TTC19: variants seen among roughly 807,000 people sequenced by gnomAD.
The protein encoded by TTC19 is tetratricopeptide repeat protein 19, mitochondrial.
In TTC19, 38 loss-of-function variants were observed where a neutral mutation model predicts 49.5. The observed-to-expected ratio is 0.77, with a 90% CI of 0.59 to 1.01. The LOEUF is 1.01. Among genes scored for constraint, TTC19 ranks in the 50% least tolerant of loss-of-function variants. The pLI is 0.00. For synonymous variants in TTC19, 204 were observed against 185.2 expected, an observed-to-expected ratio of 1.10 and a Z score of -0.83; for missense variants, 475 against 477.7, an observed-to-expected ratio of 0.99 and a Z score of 0.05.
Position 16,004,235 on chromosome 17 carries a change from T to A in TTC19, c.554T>A (p.Leu185Gln), listed in dbSNP as rs1187416161. ...GCAATAATTGAAATTTCCCTAAAGC[T>A]GGCCAGTATCTATGCTGCGCAGAAC... ...DNAIIEISLKLASIYAAQNRQ... is the reference protein window; with the variant it reads ...DNAIIEISLKQASIYAAQNRQ... The change falls in exon 6 of 10, where the codon CTG becomes CAG. Residue 185 changes from leucine to glutamine, a missense_variant. By Grantham distance (113) the Leu-to-Gln change is moderately radical. Transcript: ENST00000261647. The A allele has an allele frequency of 1.4e-5, 23 of 1,614,252 alleles. No individual in the cohort carries two copies. Among genetic ancestry groups the A allele is most frequent in the Non-Finnish European group, 1.8e-5 (21 of 1,180,038 alleles).
At chr17:16,033,704 C>T (rs1973062531), downstream of TTC19, among the ~76,000 whole-genome samples, 1 of 152,098 alleles carries the variant, frequency 6.6e-6, no homozygotes, top group African/African-American at 2.4e-5. Context: ...TTATTACATA[C>T]ATTAAGTTTA....
At chr17:16,032,175 T>C, downstream of TTC19, 2 of 966,164 alleles carry the variant, frequency 2.1e-6, no homozygotes, top group South Asian at 2.0e-5. Context: ...GTGGGCTGGC[T>C]CTCCTGAAAA....
chr17:16,044,190 A>T (rs2058262395), intron 2 of TTC19, among the ~76,000 whole-genome samples: 1 of 146,220 alleles, frequency 6.8e-6, no homozygotes, highest in Non-Finnish European at 1.5e-5. Context: ...AAAAAAAAAG[A>T]AAGAAAGAAA....
At chr17:16,031,221 G>A (rs1971929202), downstream of TTC19, 1 of 199,672 alleles carries the variant, frequency 5.0e-6, no homozygotes, top group African/African-American at 2.3e-5. Context: ...ATAGTGATGG[G>A]GAAAAAGGAC....
chr17:16,021,435 T>C (rs1249940152), intron 7 of TTC19, among the ~76,000 whole-genome samples: 2 of 152,150 alleles, frequency 1.3e-5, no homozygotes, highest in Non-Finnish European at 2.9e-5. Flanking sequence ...TGGAGCTACA[T>C]TTCTGGTGGG....
intron 2 of TTC19, among the ~76,000 whole-genome samples, chr17:16,036,472 G>C (rs374767230): frequency 2.0e-5 from 3 of 152,206 alleles, no homozygotes; most frequent in African/African-American, 7.2e-5. Context: ...AAGAGAGTCA[G>C]CCTGTCTTTT....
chr17:16,039,900 C>G (rs1291317024), intron 2 of TTC19: 1 of 447,808 alleles, frequency 2.2e-6, no homozygotes, highest in Non-Finnish European at 4.1e-6. Context: ...AAGGGATTCT[C>G]CTACCTCAGT....
exon 3 of TTC19, chr17:16,044,789 G>A: frequency 5.4e-6 from 6 of 1,103,038 alleles, no homozygotes; most frequent in Non-Finnish European, 8.3e-6. Context: ...TGTCAACATT[G>A]GGAGCCTCAT....
At position 16,029,329 on chromosome 17, in the gene TTC19, C is replaced by T. The variant is rs933355090; in HGVS notation, c.*1807C>T. 6.9e-6 allele frequency: 3 copies of T among 437,230 alleles called. No individual in the cohort carries two copies. The highest frequency in any genetic ancestry group is 6.1e-5 in the African/African-American group (3 of 49,040). The allele number at this position is 437,230 out of a possible 1,614,324, so 27.1% of individuals were successfully genotyped here. On this transcript the variant is annotated 3_prime_UTR_variant, in exon 10 of 10. Transcript: ENST00000261647. ...ATAAGGTACTGAAGCAAAAGGAGGA[C>T]TGATCTCCTTTACTGATTGGTCTAA...
At chr17:16,001,769 T>C (rs1970742757) in intron 2 of TTC19, 146 bp from the exon 3 acceptor site, 1 of 678,000 alleles carries the variant, frequency 1.5e-6, no homozygotes, top group South Asian at 1.7e-5. Context: ...GACAATGCTT[T>C]GTACATAGTA....
downstream of TTC19, chr17:16,032,622 G>A (rs2151768001): frequency 9.4e-6 from 7 of 747,110 alleles, no homozygotes; most frequent in East Asian, 5.9e-5. Context: ...AATACAACAC[G>A]GAATGGCCAA....
chr17:16,011,599 G>T (rs1377453263), intron 7 of TTC19, among the ~76,000 whole-genome samples: 1 of 152,186 alleles, frequency 6.6e-6, no homozygotes, highest in African/African-American at 2.4e-5. Context: ...GTCCAAACCT[G>T]TTTTTTTAAA....
In TTC19 at chr17:16,000,260, G is replaced by A; in HGVS notation, c.312+15G>A. ...AGCGAGCCAAGGTGAGGCGGCTCCG[G>A]GCCCTGCGCCCGGCCGAGCGCGGTA... On this transcript the variant is annotated intron_variant, in intron 2 of 9. Transcript: ENST00000261647. The A allele has an allele frequency of 6.3e-7, 1 of 1,593,742 alleles. No individual in the cohort carries two copies. The highest frequency in any genetic ancestry group is 8.5e-7 in the Non-Finnish European group (1 of 1,178,414).
At chr17:16,032,341 T>C (rs778539052), downstream of TTC19, 21 of 1,613,996 alleles carry the variant, frequency 1.3e-5, no homozygotes, top group African/African-American at 2.7e-5. Flanking sequence ...CTGAGAGCAG[T>C]GGGGCAGGCT....
chr17:16,028,589 C>CGTAAGAGCATCATTCA lies in TTC19; in HGVS notation c.*1067_*1068insGTAAGAGCATCATTCA, dbSNP rs1395597742. On this transcript the variant is annotated 3_prime_UTR_variant, in exon 10 of 10. Coordinates refer to ENST00000261647, the MANE Select transcript of TTC19 (RefSeq NM_017775.4). ...ATGTAAAGATACATAGGTGGATGCTCTTACTGCAGCAGTCATGAATACATT... is the reference window on the plus strand; with the variant it reads ...ATGTAAAGATACATAGGTGGATGCTCGTAAGAGCATCATTCATTACTGCAGCAGTCATGAATACATT... The CGTAAGAGCATCATTCA allele has an allele frequency of 2.2e-6, 1 of 453,860 alleles. No individual in the cohort carries two copies. Among genetic ancestry groups the CGTAAGAGCATCATTCA allele is most frequent in the African/African-American group, 2.0e-5 (1 of 50,048 alleles). 28.1% of individuals were successfully genotyped at this position (453,860 alleles called of 1,614,324 possible).
At chr17:16,004,744 G>C (rs973921128) in intron 6 of TTC19, among the ~76,000 whole-genome samples, 2 of 152,204 alleles carry the variant, frequency 1.3e-5, no homozygotes, top group Non-Finnish European at 2.9e-5. Flanking sequence ...CTTCCCTTCA[G>C]GTTTTAGTGG....
intron 8 of TTC19, 29 bp from the exon 9 acceptor site, chr17:16,026,511 G>A: frequency 6.2e-7 from 1 of 1,612,038 alleles, no homozygotes; most frequent in South Asian, 1.1e-5. Flanking sequence ...TGTTTTTAAA[G>A]AAAAAATTGT....
chr17:16,038,581 C>T (rs1179177822), intron 2 of TTC19, among the ~76,000 whole-genome samples: 1 of 151,948 alleles, frequency 6.6e-6, no homozygotes, highest in South Asian at 2.1e-4. Context: ...GGGACTACAG[C>T]GTGAGCCACC....
At chr17:16,032,385 C>A (rs1240644682), downstream of TTC19, 1 of 1,614,130 alleles carries the variant, frequency 6.2e-7, no homozygotes, top group Middle Eastern at 1.6e-4. Flanking sequence ...TGGTGAGGAG[C>A]TGCTTGGTTC....
Sources: allele counts gnomAD v4.1 joint callset (sites outside exome capture counted in the v4.1 genomes callset), GRCh38; gene constraint gnomAD v4.1.1; transcripts MANE v1.5; gene names NCBI Gene and HGNC (gene_info 2026-07-23, HGNC 2026-07-21).